Variants in LTAP1 observed in about 807,000 individuals in gnomAD.
The protein encoded by LTAP1 is lipid transport auxiliary protein 1, also known as HCV NS5A-transactivated protein 4.
chr1:154,207,479 A>G, the LTAP1 span: 1 of 1,614,016 alleles, frequency 6.2e-7, no homozygotes. Flanking sequence ...AATGTGTTAT[A>G]GTTATCCTTA....
At chr1:154,212,602 G>A in the LTAP1 span, 1 of 1,614,090 alleles carries the variant, frequency 6.2e-7, no homozygotes, top group East Asian at 2.2e-5. Context: ...GGGGATGCCG[G>A]CCTTCAGAAT....
At chr1:154,207,299 G>C in the LTAP1 span, 1 of 683,794 alleles carries the variant, frequency 1.5e-6, no homozygotes, top group Non-Finnish European at 2.5e-6. Flanking sequence ...TTACCCTTTA[G>C]ACACAAGCTC....
chr1:154,212,214 T>C, the LTAP1 span: 167 of 1,207,096 alleles, frequency 1.4e-4, no homozygotes, highest in Non-Finnish European at 1.9e-4. Flanking sequence ...ACAACTCTTA[T>C]GGTATCATGG....
chr1:154,212,718 T>C, the LTAP1 span: 4 of 1,429,288 alleles, frequency 2.8e-6, no homozygotes, highest in Non-Finnish European at 3.8e-6. Context: ...TGGAGTGCAG[T>C]GGCAGTGATC....
the LTAP1 span, among the ~76,000 whole-genome samples, chr1:154,214,901 G>T: frequency 1.3e-5 from 2 of 149,162 alleles, no homozygotes; most frequent in Admixed American, 6.7e-5. Context: ...CTGGAGTGCA[G>T]TGGCGCAATC....
chr1:154,218,858 A>C, the LTAP1 span, among the ~76,000 whole-genome samples: 2,138 of 152,346 alleles, frequency 0.014, 46 homozygotes, highest in African/African-American at 0.049. Context: ...ATGAAGGAAA[A>C]ATCAGGGTAC....
chr1:154,207,558 G>T, the LTAP1 span: 3 of 1,614,142 alleles, frequency 1.9e-6, no homozygotes, highest in South Asian at 3.3e-5. Context: ...ATGTCACCTG[G>T]ATGGTTGTTG....
chr1:154,216,633 GC>G, the LTAP1 span, among the ~76,000 whole-genome samples: 1 of 152,068 alleles, frequency 6.6e-6, no homozygotes, highest in East Asian at 1.9e-4. Flanking sequence ...TCCTGCCTCA[GC>G]CTCCCAAGTA....
the LTAP1 span, chr1:154,208,548 C>T: frequency 6.6e-6 from 1 of 151,902 alleles, no homozygotes; most frequent in Non-Finnish European, 1.5e-5. Flanking sequence ...CTGGCTCAAG[C>T]TTTTTTTTCA....
At chr1:154,207,359 C>T in the LTAP1 span, 15 of 1,204,326 alleles carry the variant, frequency 1.2e-5, no homozygotes, top group South Asian at 1.4e-4. Context: ...TCTGGGCCTG[C>T]TGGGCCAGAT....
the LTAP1 span, among the ~76,000 whole-genome samples, chr1:154,215,191 T>G: frequency 2.6e-5 from 4 of 152,084 alleles, no homozygotes; most frequent in Admixed American, 6.6e-5. Context: ...GGTATGCACC[T>G]AGCTAGAGGC....
At chr1:154,220,042 G>C in the LTAP1 span, 4 of 1,070,068 alleles carry the variant, frequency 3.7e-6, no homozygotes, top group African/African-American at 1.6e-5. Flanking sequence ...CCGGCTCTCA[G>C]GAATGTTTCA....
chr1:154,212,176 A>G, the LTAP1 span: 5 of 918,998 alleles, frequency 5.4e-6, no homozygotes, highest in Non-Finnish European at 8.8e-6. Flanking sequence ...TTCTAATGTA[A>G]GAGACTGATC....
At chr1:154,213,208 G>T in the LTAP1 span, 2 of 153,184 alleles carry the variant, frequency 1.3e-5, no homozygotes, top group African/African-American at 2.4e-5. Context: ...TCGGGAGGCT[G>T]AGGCAGGAGA....
the LTAP1 span, among the ~76,000 whole-genome samples, chr1:154,218,810 TA>T: frequency 6.6e-6 from 1 of 152,214 alleles, no homozygotes; most frequent in Admixed American, 6.5e-5. Context: ...AGGCATGTTT[TA>T]AACAAATGGA....
At chr1:154,211,076 G>T in the LTAP1 span, among the ~76,000 whole-genome samples, 5 of 151,040 alleles carry the variant, frequency 3.3e-5, no homozygotes, top group Admixed American at 2.0e-4. Flanking sequence ...GCATGATATC[G>T]GCTCATTGCA....
the LTAP1 span, among the ~76,000 whole-genome samples, chr1:154,217,555 CAG>C: frequency 1.8e-3 from 272 of 152,176 alleles, 1 homozygote; most frequent in Middle Eastern, 0.014. Context: ...TTTGGTGAGA[CAG>C]AGTCTCGCTC....
the LTAP1 span, among the ~76,000 whole-genome samples, chr1:154,211,548 G>A: frequency 6.7e-6 from 1 of 150,332 alleles, no homozygotes; most frequent in African/African-American, 2.4e-5. Flanking sequence ...TGTTGGCTAG[G>A]ATGGTCTTGA....
At chr1:154,218,443 T>A in the LTAP1 span, among the ~76,000 whole-genome samples, 1 of 152,214 alleles carries the variant, frequency 6.6e-6, no homozygotes, top group Non-Finnish European at 1.5e-5. Flanking sequence ...ACTAACCCTA[T>A]GTCTTTCTCA....
Sources: allele counts gnomAD v4.1 joint callset (sites outside exome capture counted in the v4.1 genomes callset), GRCh38; gene constraint gnomAD v4.1.1; transcripts MANE v1.5; gene names NCBI Gene and HGNC (gene_info 2026-07-23, HGNC 2026-07-21).